Variants in DOK5 observed in about 807,000 individuals in gnomAD.
DOK5 encodes the protein docking protein 5.
Under a neutral mutation model 43.3 loss-of-function variants are expected in DOK5, and 27 were observed. The ratio of observed to expected loss-of-function variants is 0.62; its 90% CI spans 0.46 to 0.86. The LOEUF (loss-of-function observed/expected upper bound fraction) is 0.86. DOK5 is among the 40% of genes least tolerant of loss of function. DOK5 has a pLI of 0.00. For missense variants in DOK5, 373 were observed against 392.9 expected (o/e 0.95, Z 0.43); for synonymous variants, 146 against 140.1 (o/e 1.04, Z -0.30).
chr20:54,562,190 G>A (rs890172471), intron 2 of DOK5, among the ~76,000 whole-genome samples: 1 of 152,148 alleles, frequency 6.6e-6, no homozygotes, highest in East Asian at 1.9e-4. Context: ...CTCATGCAAA[G>A]TAGGTACTTT....
rs972293183 is a variant in DOK5 at position 54,594,676 on chromosome 20, A to G, written c.599+2871A>G. 3.3e-5 allele frequency among the ~76,000 whole-genome samples: 5 copies of G among 152,162 alleles called. No individual in the cohort carries two copies. The South Asian group carries it at 1.0e-3, about 32-fold the overall frequency. On this transcript the variant is annotated intron_variant, in intron 5 of 7. Coordinates refer to ENST00000262593, the MANE Select transcript of DOK5 (RefSeq NM_018431.5). ...CTTATTCAATTATTAATATTTTAAA[A>G]TCTTTTTTTATTTACCATTTACAGG... is the stretch of plus-strand genomic sequence containing the variant.
chr20:54,526,986 A>G (rs1174286994), intron 1 of DOK5, among the ~76,000 whole-genome samples: 1 of 152,172 alleles, frequency 6.6e-6, no homozygotes, highest in East Asian at 1.9e-4. Flanking sequence ...GTTTAATTTT[A>G]CTGGGAAGTG....
Position 54,527,177 on chromosome 20 carries a change from T to G in DOK5, c.67-27756T>G, listed in dbSNP as rs575196636. Among the ~76,000 whole-genome samples, 108 of 152,332 alleles carry G rather than the reference T, an allele frequency of 7.1e-4. 2 individuals are homozygous for G. The highest frequency in any genetic ancestry group is 2.3e-3 in the Admixed American group (35 of 15,296). On this transcript the variant is annotated intron_variant, in intron 1 of 7. Coordinates refer to ENST00000262593, the MANE Select transcript of DOK5 (RefSeq NM_018431.5). The stretch of plus-strand genomic sequence containing the variant: ...ATATATGGGGTCTGTTTGACCCATA[T>G]AATTGCAATTCTAATTCCAATGGCA...
chr20:54,510,649 C>A (rs1600671136), intron 1 of DOK5, among the ~76,000 whole-genome samples: 1 of 152,162 alleles, frequency 6.6e-6, no homozygotes, highest in East Asian at 1.9e-4. Flanking sequence ...ACTCTCCTTC[C>A]CGCTCTACTG....
chr20:54,604,050 C>T (rs1453080768), intron 5 of DOK5, among the ~76,000 whole-genome samples: 4 of 150,382 alleles, frequency 2.7e-5, no homozygotes, highest in Non-Finnish European at 5.9e-5. Context: ...GGGTTCACGC[C>T]GTTCTCCTGC....
intron 1 of DOK5, among the ~76,000 whole-genome samples, chr20:54,509,482 C>T (rs1982939326): frequency 6.6e-6 from 1 of 152,218 alleles, no homozygotes; most frequent in Non-Finnish European, 1.5e-5. Context: ...ATCTAAGCCA[C>T]TATGCCCAGT....
intron 1 of DOK5, among the ~76,000 whole-genome samples, chr20:54,498,926 A>C (rs1568755564): frequency 6.6e-6 from 1 of 152,236 alleles, no homozygotes; most frequent in Admixed American, 6.5e-5. Context: ...TATGAGCTAT[A>C]TGCATCAGCA....
intron 2 of DOK5, among the ~76,000 whole-genome samples, chr20:54,562,447 C>G (rs779580592): frequency 6.6e-6 from 1 of 152,166 alleles, no homozygotes; most frequent in African/African-American, 2.4e-5. Flanking sequence ...GAGACAGTGT[C>G]TTGCTTTGCC....
intron 1 of DOK5, 114 bp from the exon 2 acceptor site, chr20:54,554,819 C>A: frequency 3.0e-6 from 2 of 667,430 alleles, no homozygotes; most frequent in Non-Finnish European, 5.2e-6. Context: ...CACAAAGCAA[C>A]ATCACATTTC....
In DOK5 at chr20:54,522,260, GA is replaced by G. The variant is rs375361194; in HGVS notation, c.67-32671del. 2.8e-3 allele frequency among the ~76,000 whole-genome samples: 426 copies of G among 152,168 alleles called. 2 individuals are homozygous for G. The highest frequency in any genetic ancestry group is 0.017 in the Middle Eastern group (5 of 294). ...CTCATAATGTTTTAAGAAAGTTTAC[GA>G]ATTTGTGTTGGGCGGCATTTAAAGC... On this transcript the variant is annotated intron_variant, in intron 1 of 7. Coordinates refer to ENST00000262593, the MANE Select transcript of DOK5 (RefSeq NM_018431.5).
At chr20:54,520,826 T>TTATATTTTACGTATAATAAAA (rs145950043) in intron 1 of DOK5, among the ~76,000 whole-genome samples, 11,044 of 151,646 alleles carry the variant, frequency 0.073, 437 homozygotes, top group Non-Finnish European at 0.099. Flanking sequence ...CCTACATGTC[T>TTATATTTTACGTATAATAAAA]TATATTTTAC....
At chr20:54,613,201 T>TCTCTCTCTCTCTCTCTCTCGTCAC (rs1217044865) in intron 6 of DOK5, among the ~76,000 whole-genome samples, 2 of 132,082 alleles carry the variant, frequency 1.5e-5, no homozygotes, top group East Asian at 3.9e-4. Context: ...CATCTCTCTC[T>TCTCTCTCTCTCTCTCTCTCGTCAC]CTCTCTCTCT....
chr20:54,634,430 TATC>T (rs1261286957), intron 6 of DOK5, among the ~76,000 whole-genome samples: 4 of 144,522 alleles, frequency 2.8e-5, no homozygotes, highest in Non-Finnish European at 4.5e-5. Flanking sequence ...TAATTCATCA[TATC>T]ATGCTTTTTT....
chr20:54,579,313 T>C (rs1985556183), intron 2 of DOK5, among the ~76,000 whole-genome samples: 1 of 151,996 alleles, frequency 6.6e-6, no homozygotes. Flanking sequence ...AAATAATATT[T>C]TAAAATTCTG....
intron 2 of DOK5, among the ~76,000 whole-genome samples, chr20:54,582,274 G>A (rs561229747): frequency 6.6e-6 from 1 of 151,650 alleles, no homozygotes; most frequent in Non-Finnish European, 1.5e-5. Flanking sequence ...ATTTTATTGA[G>A]AAATTTGCAT....
Position 54,487,908 on chromosome 20 carries a change from C to G in DOK5, c.66+11896C>G, listed in dbSNP as rs538586657. Among the ~76,000 whole-genome samples, 4 of 152,306 alleles carry G rather than the reference C, an allele frequency of 2.6e-5. No homozygotes were observed. The East Asian group carries it at 7.7e-4, about 29-fold the overall frequency. ...AGCAAGTCTCGTCAATGGACTAACT[C>G]TTTTATTTAATACAAGTTTCCATGT... On this transcript the variant is annotated intron_variant, in intron 1 of 7. Coordinates refer to ENST00000262593, the MANE Select transcript of DOK5 (RefSeq NM_018431.5).
chr20:54,523,364 C>T (rs550666447), intron 1 of DOK5, among the ~76,000 whole-genome samples: 6 of 152,082 alleles, frequency 3.9e-5, no homozygotes, highest in East Asian at 2.0e-4. Context: ...GTCAGGAGTT[C>T]GAGACCAGCC....
intron 7 of DOK5, among the ~76,000 whole-genome samples, chr20:54,650,129 A>G (rs147965580): frequency 1.6e-4 from 25 of 152,262 alleles, no homozygotes; most frequent in Non-Finnish European, 3.1e-4. Context: ...TTTCTATCTC[A>G]TTTCTCCTGA....
chr20:54,611,499 T>C (rs547380091), intron 6 of DOK5, among the ~76,000 whole-genome samples: 1 of 152,206 alleles, frequency 6.6e-6, no homozygotes, highest in East Asian at 1.9e-4. Flanking sequence ...AGGTGAAGGC[T>C]ACAGTGAGCC....
Sources: gnomAD v4.1 joint callset for allele counts (sites outside exome capture counted in the v4.1 genomes callset) on GRCh38, gnomAD v4.1.1 for gene constraint, MANE v1.5 for transcripts, NCBI Gene and HGNC (gene_info 2026-07-23, HGNC 2026-07-21) for gene names.